Variants in TARBP1 observed in about 807,000 individuals in gnomAD.
The protein encoded by TARBP1 is tRNA (guanosine(18)-2'-O)-methyltransferase TARBP1.
TARBP1 carries 144 observed loss-of-function variants against 178.6 expected under a neutral mutation model. That is an observed-to-expected ratio of 0.81 (90% CI 0.70 to 0.93). TARBP1 has a LOEUF of 0.93. Ranked by LOEUF, TARBP1 falls within the 40% of genes least tolerant of loss-of-function variation. The pLI is 0.00. For missense variants in TARBP1, 2,067 were observed against 2,011.7 expected (o/e 1.03, Z -0.53); for synonymous variants, 787 against 781.0 (o/e 1.01, Z -0.13).
In TARBP1 at chr1:234,460,401, AAG is replaced by A; in HGVS notation, c.1400-7_1400-6del. ...TAAACTTCAATAGGAAGCTACCTGAAAGAAAAAGTTTTAAATTATCATTGTTG... is the reference window on the plus strand; with the variant it reads ...TAAACTTCAATAGGAAGCTACCTGAAAAAAAGTTTTAAATTATCATTGTTG... On this transcript the variant is annotated splice_polypyrimidine_tract_variant and splice_region_variant and intron_variant, in intron 6 of 29. Transcript: ENST00000040877. 7.4e-6 allele frequency: 12 copies of A among 1,613,632 alleles called. No homozygotes were observed. Among genetic ancestry groups the A allele is most frequent in the Non-Finnish European group, 1.0e-5 (12 of 1,179,884 alleles).
At chr1:234,463,278 C>A (rs1572391434) in intron 6 of TARBP1, among the ~76,000 whole-genome samples, 1 of 152,118 alleles carries the variant, frequency 6.6e-6, no homozygotes, top group Non-Finnish European at 1.5e-5. Flanking sequence ...TACACACCAT[C>A]ATGCCCGGAT....
chr1:234,396,816 CA>C (rs1659980403), intron 26 of TARBP1, among the ~76,000 whole-genome samples: 1 of 151,482 alleles, frequency 6.6e-6, no homozygotes, highest in East Asian at 1.9e-4. Context: ...TCTGAATTTT[CA>C]ACAAGTCACA....
At chr1:234,414,473 G>C (rs947186890) in intron 22 of TARBP1, among the ~76,000 whole-genome samples, 40 of 152,152 alleles carry the variant, frequency 2.6e-4, no homozygotes, top group African/African-American at 9.7e-4. Context: ...AGCCTGGAAA[G>C]GACACAGAAA....
chr1:234,457,394 T>G (rs1289025321), intron 9 of TARBP1, among the ~76,000 whole-genome samples: 5 of 152,172 alleles, frequency 3.3e-5, no homozygotes, highest in South Asian at 2.1e-4. Flanking sequence ...TCCTAATGCA[T>G]CTCATCCAGA....
chr1:234,395,179 G>A (rs919091431), intron 26 of TARBP1, among the ~76,000 whole-genome samples: 2 of 152,038 alleles, frequency 1.3e-5, no homozygotes, highest in South Asian at 2.1e-4. Flanking sequence ...AGCTGAGATC[G>A]TGCCACTTCA....
intron 11 of TARBP1, among the ~76,000 whole-genome samples, chr1:234,447,358 A>AAAC (rs1327813616): frequency 9.2e-5 from 14 of 151,538 alleles, no homozygotes; most frequent in African/African-American, 3.1e-4. Context: ...AAAAAAAAAA[A>AAAC]AAAAACCTAA....
intron 22 of TARBP1, among the ~76,000 whole-genome samples, chr1:234,411,339 C>T (rs1661797390): frequency 6.6e-6 from 1 of 152,128 alleles, no homozygotes; most frequent in Non-Finnish European, 1.5e-5. Flanking sequence ...AAACAAAAGA[C>T]TTGAGCATCC....
intron 20 of TARBP1, among the ~76,000 whole-genome samples, chr1:234,421,660 G>A (rs950307060): frequency 3.9e-5 from 6 of 152,236 alleles, no homozygotes; most frequent in Non-Finnish European, 7.3e-5. Flanking sequence ...GCAGCACTGA[G>A]CCTTTCCTAG....
At chr1:234,398,161 CTT>C (rs35248474) in intron 26 of TARBP1, 1,308 of 257,398 alleles carry the variant, frequency 5.1e-3, no homozygotes, top group East Asian at 6.9e-3. Context: ...CTTCCTTTGG[CTT>C]TTTTTTTTTT....
At chr1:234,465,618 G>A (rs771186620) in intron 5 of TARBP1, 38 bp downstream of exon 5, 1 of 1,458,222 alleles carries the variant, frequency 6.9e-7, no homozygotes, top group Non-Finnish European at 9.1e-7. Flanking sequence ...AACATGAAAT[G>A]TATGTATCAA....
At chr1:234,441,446 T>C (rs1665588432) in intron 12 of TARBP1, among the ~76,000 whole-genome samples, 1 of 152,202 alleles carries the variant, frequency 6.6e-6, no homozygotes, top group Non-Finnish European at 1.5e-5. Flanking sequence ...CAAAACCTTG[T>C]GGTATTGGCA....
At chr1:234,406,780 G>C (rs1233256096) in intron 23 of TARBP1, 1 of 152,182 alleles carries the variant, frequency 6.6e-6, no homozygotes, top group African/African-American at 2.4e-5. Context: ...AAGGTCAAAG[G>C]AAGTGACATA....
chr1:234,441,994 A>G (rs1433309146), intron 12 of TARBP1, among the ~76,000 whole-genome samples: 1 of 152,204 alleles, frequency 6.6e-6, no homozygotes, highest in Non-Finnish European at 1.5e-5. Flanking sequence ...AAAGTACAAA[A>G]CAATTCAACA....
In TARBP1 at chr1:234,429,335, A is replaced by G; in HGVS notation, c.2872-11T>C. ...AGAGGAAGTCAGAAGCTGGTAGGAA[A>G]AAAAAAAATACATACTTATTTCAAA... On this transcript the variant is annotated splice_polypyrimidine_tract_variant and intron_variant, in intron 16 of 29. Transcript: ENST00000040877. The G allele has an allele frequency of 1.9e-6, 3 of 1,566,524 alleles. No homozygotes were observed. Among genetic ancestry groups the G allele is most frequent in the Non-Finnish European group, 2.6e-6 (3 of 1,163,550 alleles).
At chr1:234,472,018 A>G (rs780074507) in intron 2 of TARBP1, among the ~76,000 whole-genome samples, 3 of 152,136 alleles carry the variant, frequency 2.0e-5, no homozygotes, top group Non-Finnish European at 2.9e-5. Context: ...AGCAGCATAC[A>G]TATCACCTGG....
chr1:234,476,164 A>C (rs988317704), intron 1 of TARBP1, among the ~76,000 whole-genome samples: 1 of 152,252 alleles, frequency 6.6e-6, no homozygotes, highest in African/African-American at 2.4e-5. Flanking sequence ...ATGCATAAAC[A>C]GATGAGCAGA....
chr1:234,429,730 T>G, intron 15 of TARBP1, 53 bp from the exon 16 acceptor site: 1 of 1,413,258 alleles, frequency 7.1e-7, no homozygotes, highest in Non-Finnish European at 9.4e-7. Context: ...TGCCTCCACG[T>G]CTTTTGCACG....
At chr1:234,448,446 A>G (rs766252929) in intron 11 of TARBP1, 34 bp downstream of exon 11, 2 of 1,579,188 alleles carry the variant, frequency 1.3e-6, no homozygotes, top group East Asian at 2.2e-5. Context: ...GGATTTTTCA[A>G]ATAGGCTTTC....
chr1:234,391,863 T>A (rs568023634), intron 29 of TARBP1, 118 bp from the exon 30 acceptor site: 67 of 1,086,822 alleles, frequency 6.2e-5, no homozygotes, highest in Admixed American at 1.3e-4. Context: ...TGAATGTTAC[T>A]AAAAGAAACA....
Sources: gnomAD v4.1 joint callset for allele counts (sites outside exome capture counted in the v4.1 genomes callset) on GRCh38, gnomAD v4.1.1 for gene constraint, MANE v1.5 for transcripts, NCBI Gene and HGNC (gene_info 2026-07-23, HGNC 2026-07-21) for gene names.